The following OXTR variants were observed in gnomAD, a reference collection of about 807,000 sequenced individuals.
OXTR encodes the protein oxytocin receptor.
A neutral mutation model predicts 23.9 loss-of-function variants in OXTR; 19 were observed. The ratio of observed to expected loss-of-function variants is 0.80; its 90% CI spans 0.56 to 1.17. OXTR has a LOEUF of 1.17. Among genes scored for constraint, OXTR ranks in the 50% most tolerant of loss-of-function variants. The pLI is 0.00. For synonymous variants in OXTR, 278 were observed against 250.5 expected (o/e 1.11, Z -1.04); for missense variants, 500 against 550.7 (o/e 0.91, Z 0.92).
intron 3 of OXTR, among the ~76,000 whole-genome samples, chr3:8,763,369 T>C (rs1011516227): frequency 1.3e-5 from 2 of 152,080 alleles, no homozygotes; most frequent in Non-Finnish European, 2.9e-5. Context: ...GCAACTGGCT[T>C]AAGGACACTG....
chr3:8,758,901 C>T (rs1241860094), intron 3 of OXTR, among the ~76,000 whole-genome samples: 2 of 152,182 alleles, frequency 1.3e-5, no homozygotes, highest in Admixed American at 1.3e-4. Context: ...CAATCTGGGC[C>T]ACACGTGTAA....
In OXTR at chr3:8,767,311, A is replaced by C; in HGVS notation, c.877T>G (p.Phe293Val). 1 of 1,595,292 alleles carries C rather than the reference A, an allele frequency of 6.3e-7. No individual in the cohort carries two copies. The highest frequency in any genetic ancestry group is 8.5e-7 in the Non-Finnish European group (1 of 1,172,262). ...TCCCAGACGCTCCACATCTGCACGA[A>C]GAAGAAAGGCGTCCAGCACACGATG... ...AFIVCWTPFF[F>V]VQMWSVWDAN... Residue 293 changes from phenylalanine (F) to valine (V), a missense_variant, in exon 3 of 4, where the codon TTC becomes GTC. By Grantham distance (50) the Phe-to-Val change is conservative. Coordinates refer to ENST00000316793, the MANE Select transcript of OXTR (RefSeq NM_000916.4).
intron 3 of OXTR, among the ~76,000 whole-genome samples, chr3:8,759,246 T>C (rs1272782368): frequency 6.6e-6 from 1 of 152,212 alleles, no homozygotes; most frequent in Admixed American, 6.5e-5. Context: ...AAAACCCTTT[T>C]CAAATGACAC....
At chr3:8,742,585 G>C in the OXTR span, 2 of 451,108 alleles carry the variant, frequency 4.4e-6, no homozygotes, top group African/African-American at 2.0e-5. Context: ...ATGTATTTTC[G>C]AGGAATCTTC....
rs139854982 is a variant in OXTR, at chr3:8,767,428, G to A, written c.760C>T (p.Arg254Cys). The part of the protein sequence containing the change: ...PEGAAAGDGG[R>C]VALARVSSVK... ...CTGCTGACACGCGCCAGGGCCACGC[G>A]CCCCCCATCGCCAGCCGCCGCGCCC... is the stretch of plus-strand genomic sequence containing the variant. The change falls in exon 3 of 4, where the codon CGC (arginine) becomes TGC (cysteine). Residue 254 changes from arginine (R) to cysteine (C), a missense_variant. Physicochemically the swap from Arg to Cys is radical, Grantham distance 180 (BLOSUM62 -3). Transcript: ENST00000316793. The A allele has an allele frequency of 8.7e-6, 14 of 1,605,026 alleles. No individual in the cohort carries two copies. In the South Asian group the frequency reaches 1.3e-4, roughly 15 times the overall value.
At chr3:8,761,595 G>A (rs988056678) in intron 3 of OXTR, among the ~76,000 whole-genome samples, 2 of 152,126 alleles carry the variant, frequency 1.3e-5, no homozygotes, top group Non-Finnish European at 2.9e-5. Context: ...AGCAGTGATC[G>A]TGGGCAGGTC....
chr3:8,759,312 TC>T (rs1349104074), intron 3 of OXTR, among the ~76,000 whole-genome samples: 1 of 152,162 alleles, frequency 6.6e-6, no homozygotes, highest in Non-Finnish European at 1.5e-5. Flanking sequence ...ACTAATGCCT[TC>T]TCAGGGTATT....
Position 8,767,254 on chromosome 3 carries a change from A to T in OXTR, c.922+12T>A, listed in dbSNP as rs1575491125. 6.6e-7 allele frequency: 1 copy of T among 1,525,868 alleles called. No homozygotes were observed. Among genetic ancestry groups the T allele is most frequent in the Non-Finnish European group, 8.8e-7 (1 of 1,138,354 alleles). The allele number at this position is 1,525,868 out of a possible 1,614,324, so 94.5% of individuals were successfully genotyped here. ...CAGGCTCCCTCCTCCTGGGTCTCCC[A>T]GCCCTGGCTACCTTCCTTGGGCGCG... On this transcript the variant is annotated intron_variant, in intron 3 of 3. Transcript: ENST00000316793.
At chr3:8,745,918 G>C, downstream of OXTR, 1 of 1,472,990 alleles carries the variant, frequency 6.8e-7, no homozygotes, top group Non-Finnish European at 9.3e-7. This position sits in a 1 kb window ranked among gnomAD's most constrained non-coding sequence, Gnocchi z 4.8. Context: ...GGGCCAGACT[G>C]GTCCCCGGGG....
intron 3 of OXTR, among the ~76,000 whole-genome samples, chr3:8,761,603 G>A (rs1474890668): frequency 6.6e-6 from 1 of 152,154 alleles, no homozygotes; most frequent in Non-Finnish European, 1.5e-5. Context: ...TCGTGGGCAG[G>A]TCACACCTCT....
At chr3:8,756,865 C>T (rs571715878) in intron 3 of OXTR, among the ~76,000 whole-genome samples, 36 of 152,360 alleles carry the variant, frequency 2.4e-4, no homozygotes, top group South Asian at 4.1e-4. Context: ...GGCCTCCCTC[C>T]GCATTTCCAC....
In OXTR at chr3:8,767,693, C is replaced by T. The variant is rs1035086952; in HGVS notation, c.495G>A (p.Leu165=). 9.3e-6 allele frequency: 15 copies of T among 1,609,314 alleles called. No individual in the cohort carries two copies. The African/African-American group carries it at 1.5e-4, about 16-fold the overall frequency. Residue 165 remains leucine, a synonymous_variant, in exon 3 of 4, where the codon CTG becomes CTA. Transcript: ENST00000316793. Reference sequence around the variant, plus strand: ...TGTGCACCTGCGGCGCGCTGGCCACCAGGCAGCCGAGCCACGTGGCGAGCA... The same window carrying T: ...TGTGCACCTGCGGCGCGCTGGCCACTAGGCAGCCGAGCCACGTGGCGAGCA... The part of the protein sequence containing the change: ...LAVLATWLGC[L]VASAPQVHIF...
chr3:8,757,325 G>A (rs1346409185), intron 3 of OXTR, among the ~76,000 whole-genome samples: 2 of 146,618 alleles, frequency 1.4e-5, no homozygotes, highest in African/African-American at 5.2e-5. Context: ...TGTATGTGAG[G>A]TATGACCAAC....
At chr3:8,763,327 G>A (rs1208084886) in intron 3 of OXTR, among the ~76,000 whole-genome samples, 1 of 152,162 alleles carries the variant, frequency 6.6e-6, no homozygotes, top group Non-Finnish European at 1.5e-5. Context: ...CTTATTACAT[G>A]GAGGAGGAGG....
the OXTR span, among the ~76,000 whole-genome samples, chr3:8,745,214 G>C: frequency 6.6e-6 from 1 of 152,174 alleles, no homozygotes; most frequent in Admixed American, 6.5e-5. This position sits in a 1 kb window ranked among gnomAD's most constrained non-coding sequence, Gnocchi z 4.8. Context: ...CTCACCAGGG[G>C]AGACGCCTGC....
At chr3:8,742,660 G>T in the OXTR span, 2 of 387,346 alleles carry the variant, frequency 5.2e-6, no homozygotes, top group Admixed American at 5.8e-5. Flanking sequence ...CAGGCATTGT[G>T]CTAAGCACTG....
downstream of OXTR, among the ~76,000 whole-genome samples, chr3:8,749,288 A>G (rs1304933136): frequency 6.6e-6 from 1 of 152,144 alleles, no homozygotes; most frequent in Non-Finnish European, 1.5e-5. Context: ...GACCCAATGT[A>G]CCCGCCAGAG....
At chr3:8,741,616 T>C in the OXTR span, among the ~76,000 whole-genome samples, 1 of 152,002 alleles carries the variant, frequency 6.6e-6, no homozygotes, top group Non-Finnish European at 1.5e-5. Context: ...ATACAGTAAC[T>C]CAATGGCCAG....
the OXTR span, chr3:8,742,715 T>C: frequency 3.2e-6 from 1 of 311,778 alleles, no homozygotes; most frequent in African/African-American, 2.2e-5. Flanking sequence ...TCAATCAGTA[T>C]TTATTTGGAT....
Sources: gnomAD v4.1 joint callset for allele counts (sites outside exome capture counted in the v4.1 genomes callset) on GRCh38, gnomAD v4.1.1 for gene constraint, Gnocchi (gnomAD v3.1) non-coding constraint, MANE v1.5 for transcripts, NCBI Gene and HGNC (gene_info 2026-07-23, HGNC 2026-07-21) for gene names.